The following HDX variants were observed in gnomAD, a reference collection of about 807,000 sequenced individuals.
HDX encodes chromosome X open reading frame 43.
Under a neutral mutation model 45.2 loss-of-function variants are expected in HDX, and 19 were observed. That is an observed-to-expected ratio of 0.42 (90% CI 0.29 to 0.62). The LOEUF (loss-of-function observed/expected upper bound fraction) is 0.62. Among genes scored for constraint, HDX ranks in the 20% least tolerant of loss-of-function variants. The pLI, the probability that HDX is intolerant of heterozygous loss-of-function variation, is 0.20. For synonymous variants in HDX, 188 were observed against 172.8 expected, an observed-to-expected ratio of 1.09 and a Z score of -0.69; for missense variants, 532 against 493.9, an observed-to-expected ratio of 1.08 and a Z score of -0.73.
intron 3 of HDX, among the ~76,000 whole-genome samples, chrX:84,473,661 T>G (rs2148150047): frequency 9.0e-6 from 1 of 111,086 alleles, no homozygotes; most frequent in East Asian, 2.8e-4. Context: ...TCAAGTAAGT[T>G]ATGAGAAGTT....
At chrX:84,335,430 T>C (rs1182016559) in intron 8 of HDX, among the ~76,000 whole-genome samples, 1 of 111,338 alleles carries the variant, frequency 9.0e-6, no homozygotes, top group African/African-American at 3.3e-5. Flanking sequence ...TTCTAAAAAA[T>C]CAATTGCTTT....
intron 5 of HDX, among the ~76,000 whole-genome samples, chrX:84,415,822 T>C (rs1391730657): frequency 2.7e-5 from 3 of 112,020 alleles, no homozygotes; most frequent in Non-Finnish European, 5.6e-5. Flanking sequence ...AAGATAACAG[T>C]TTAGCATAAC....
At chrX:84,456,048 T>A (rs914020158) in intron 4 of HDX, among the ~76,000 whole-genome samples, 9 of 112,013 alleles carry the variant, frequency 8.0e-5, no homozygotes, top group Non-Finnish European at 1.7e-4. Flanking sequence ...ATCAATACCT[T>A]ATCTGTCCTA....
At chrX:84,495,491 T>C (rs926625523) in intron 1 of HDX, among the ~76,000 whole-genome samples, 1 of 111,115 alleles carries the variant, frequency 9.0e-6, no homozygotes, top group African/African-American at 3.3e-5. Context: ...AATGAAGGAT[T>C]ATCCCCACAA....
chrX:84,398,354 A>G (rs2038615402), intron 5 of HDX, among the ~76,000 whole-genome samples: 1 of 111,465 alleles, frequency 9.0e-6, no homozygotes, highest in African/African-American at 3.3e-5. Context: ...AGACAAACAT[A>G]GGCTCAAAAT....
chrX:84,344,790 C>CT (rs1473064710), intron 6 of HDX, among the ~76,000 whole-genome samples: 2 of 110,589 alleles, frequency 1.8e-5, no homozygotes, highest in Non-Finnish European at 3.8e-5. Flanking sequence ...ATAGTTATGG[C>CT]TTTAACTTTA....
chrX:84,365,979 G>A (rs974991390), intron 5 of HDX, among the ~76,000 whole-genome samples: 2 of 111,541 alleles, frequency 1.8e-5, no homozygotes, highest in Non-Finnish European at 3.8e-5. Flanking sequence ...GGAAGTTCTG[G>A]CCAGGGCAAT....
chrX:84,407,791 T>TA (rs1483826117), intron 5 of HDX, among the ~76,000 whole-genome samples: 3 of 111,772 alleles, frequency 2.7e-5, no homozygotes, highest in African/African-American at 9.7e-5. Flanking sequence ...CTCTAATGAT[T>TA]AGAGATACTG....
At position 84,349,691 on chromosome X, in the gene HDX, TG is replaced by T. The variant is rs2037295514; in HGVS notation, c.1453-5235del. Among the ~76,000 whole-genome samples the T allele has an allele frequency of 5.7e-5, 6 of 104,782 alleles. No homozygotes were observed. In the South Asian group the frequency reaches 2.6e-3, roughly 45 times the overall value. 91.0% of individuals were successfully genotyped at this position (104,782 alleles called of 115,157 possible). A position where few individuals can be genotyped will look rare whatever the true frequency, so the allele number is the denominator to read the frequency against. On this transcript the variant is annotated intron_variant, in intron 6 of 10. Transcript: ENST00000373177. ...CCTTAACCCTAGCCCTGTGTGTGTG[TG>T]TGTGTGTGTGTGCACACACACCATA... is the stretch of plus-strand genomic sequence containing the variant.
intron 4 of HDX, among the ~76,000 whole-genome samples, chrX:84,443,764 C>T (rs7066001): frequency 0.015 from 1,640 of 111,824 alleles, 28 homozygotes; most frequent in African/African-American, 0.051. Context: ...AAAAAAGTTC[C>T]GCCAGCTCCT....
At chrX:84,478,105 A>T (rs1293733687) in intron 2 of HDX, among the ~76,000 whole-genome samples, 2 of 112,050 alleles carry the variant, frequency 1.8e-5, no homozygotes, top group Non-Finnish European at 3.8e-5. Context: ...GTAAGTTATG[A>T]TATATGAACT....
intron 4 of HDX, among the ~76,000 whole-genome samples, chrX:84,465,780 T>C (rs1250993841): frequency 9.0e-6 from 1 of 111,310 alleles, no homozygotes; most frequent in Non-Finnish European, 1.9e-5. Flanking sequence ...GTAACAAACC[T>C]GCACGTTCTG....
chrX:84,445,884 C>T (rs1437851887), intron 4 of HDX, among the ~76,000 whole-genome samples: 1 of 111,302 alleles, frequency 9.0e-6, no homozygotes, highest in East Asian at 2.8e-4. Context: ...GAAAGTTCAT[C>T]TAATTGAAAA....
At chrX:84,410,426 ATG>A (rs200260472) in intron 5 of HDX, among the ~76,000 whole-genome samples, 14 of 110,268 alleles carry the variant, frequency 1.3e-4, no homozygotes, top group Non-Finnish European at 2.3e-4. Context: ...ATTTGTGTGT[ATG>A]TGTGTGTGTG....
chrX:84,367,380 G>A (rs946846599), intron 5 of HDX, among the ~76,000 whole-genome samples: 2 of 112,231 alleles, frequency 1.8e-5, no homozygotes, highest in African/African-American at 6.5e-5. Context: ...TGAAGAAATA[G>A]GAACGCTTTT....
chrX:84,360,859 ACT>A (rs1488722169), intron 6 of HDX, among the ~76,000 whole-genome samples: 1 of 111,684 alleles, frequency 9.0e-6, no homozygotes, highest in Non-Finnish European at 1.9e-5. Context: ...ATTATGGAAA[ACT>A]CTGTTATGAA....
chrX:84,434,456 A>G (rs2039575980), intron 5 of HDX, among the ~76,000 whole-genome samples: 1 of 111,572 alleles, frequency 9.0e-6, no homozygotes, highest in Non-Finnish European at 1.9e-5. Context: ...TCTTCATTCT[A>G]TTCATGTGAT....
chrX:84,384,489 G>A (rs929465854), intron 5 of HDX, among the ~76,000 whole-genome samples: 3 of 107,746 alleles, frequency 2.8e-5, no homozygotes, highest in Admixed American at 2.0e-4. Context: ...TTATTCTGTT[G>A]ATAGTTAACT....
chrX:84,374,551 C>T, intron 5 of HDX, among the ~76,000 whole-genome samples: 1 of 43,509 alleles, frequency 2.3e-5, no homozygotes, highest in Admixed American at 2.7e-4. Context: ...GGGACTGGTA[C>T]CAAAACAGAA....
Sources: gnomAD v4.1 joint callset for allele counts (sites outside exome capture counted in the v4.1 genomes callset) on GRCh38, gnomAD v4.1.1 for gene constraint, MANE v1.5 for transcripts, NCBI Gene and HGNC (gene_info 2026-07-23, HGNC 2026-07-21) for gene names.